The following BCAS3 variants were observed in gnomAD, a reference collection of about 807,000 sequenced individuals.
BCAS3 encodes the protein BCAS4/BCAS3 fusion.
In BCAS3, 53 loss-of-function variants were observed where a neutral mutation model predicts 116.1. The observed-to-expected ratio is 0.46, with a 90% confidence interval of 0.37 to 0.57. BCAS3 has a LOEUF of 0.57. Ranked by LOEUF, BCAS3 falls within the 20% of genes least tolerant of loss-of-function variation. BCAS3 has a pLI of 0.00. For missense variants in BCAS3, 917 were observed against 1,165.4 expected, an observed-to-expected ratio of 0.79 and a Z score of 3.10; for synonymous variants, 391 against 408.2, an observed-to-expected ratio of 0.96 and a Z score of 0.51.
At chr17:61,168,242 C>G (rs1320884053) in intron 22 of BCAS3, among the ~76,000 whole-genome samples, 1 of 152,078 alleles carries the variant, frequency 6.6e-6, no homozygotes, top group African/African-American at 2.4e-5. Context: ...CTGTTAACTC[C>G]CACACTCTGG....
At position 61,332,862 on chromosome 17, in the gene BCAS3, C is replaced by T. The variant is rs1024454965; in HGVS notation, c.2426-35465C>T. On this transcript the variant is annotated intron_variant, in intron 22 of 23. Coordinates refer to ENST00000407086, the MANE Select transcript of BCAS3 (RefSeq NM_017679.5). This position sits in a 1 kb window ranked among gnomAD's most constrained non-coding sequence, Gnocchi z 5.4. ...AACTCCTGACCTCAGGTGATCTGCC[C>T]GCCTTGGCCTCCCAAAGTGCTGGGA... 1.3e-5 allele frequency among the ~76,000 whole-genome samples: 2 copies of T among 152,156 alleles called. No individual in the cohort carries two copies. The highest frequency in any genetic ancestry group is 1.3e-4 in the Admixed American group (2 of 15,276).
In BCAS3 at chr17:61,355,648, A is replaced by G; in HGVS notation, c.2426-12679A>G. Among the ~76,000 whole-genome samples, 1 of 152,110 alleles carries G rather than the reference A, an allele frequency of 6.6e-6. No homozygotes were observed. The highest frequency in any genetic ancestry group is 1.9e-4 in the East Asian group (1 of 5,196). ...TGTACAAATTGGAACAATAACATCC[A>G]CCTCATAAGTTATTGGGATGATTTC... On this transcript the variant is annotated intron_variant, in intron 22 of 23. Transcript: ENST00000407086. The surrounding 1 kb of genome is among the most constrained non-coding windows in gnomAD (Gnocchi z 4.2).
rs1193175171 is a variant in BCAS3 at position 61,065,128 on chromosome 17, A to G, written c.2030-9792A>G. ...TCACACTTTAATTTTTGCCACTTTG[A>G]TATGTATGCAATGATAACTTGAATC... On this transcript the variant is annotated intron_variant, in intron 19 of 23. Transcript: ENST00000407086. The surrounding 1 kb of genome is among the most constrained non-coding windows in gnomAD (Gnocchi z 4.8). 6.6e-6 allele frequency among the ~76,000 whole-genome samples: 1 copy of G among 152,014 alleles called. No homozygotes were observed. The highest frequency in any genetic ancestry group is 1.5e-5 in the Non-Finnish European group (1 of 67,990).
chr17:60,820,626 T>G (rs773954645), intron 7 of BCAS3, among the ~76,000 whole-genome samples: 2 of 152,184 alleles, frequency 1.3e-5, no homozygotes, highest in Non-Finnish European at 2.9e-5. Flanking sequence ...AATTAGAACA[T>G]TTAAAAGTTG....
intron 5 of BCAS3, chr17:60,727,048 T>TA (rs915405726): frequency 2.5e-4 from 62 of 250,184 alleles, no homozygotes; most frequent in Non-Finnish European, 3.2e-4. Context: ...AAACAGACTT[T>TA]AAAAAAAAAT....
intron 8 of BCAS3, among the ~76,000 whole-genome samples, chr17:60,870,208 G>A (rs974399951): frequency 6.6e-6 from 1 of 152,170 alleles, no homozygotes; most frequent in Non-Finnish European, 1.5e-5. Flanking sequence ...ATTCATAACT[G>A]CACAAGAGTG....
At chr17:60,793,137 G>A (rs895095781) in intron 6 of BCAS3, among the ~76,000 whole-genome samples, 5 of 151,542 alleles carry the variant, frequency 3.3e-5, no homozygotes, top group Non-Finnish European at 5.9e-5. Context: ...TCACTCTGTC[G>A]CCCAGGCTGG....
rs572735096 is a variant in BCAS3 at position 60,960,825 on chromosome 17, T to A, written c.1221+13473T>A. Among the ~76,000 whole-genome samples the A allele has an allele frequency of 1.3e-5, 2 of 151,974 alleles. No homozygotes were observed. Among genetic ancestry groups the A allele is most frequent in the Admixed American group, 1.3e-4 (2 of 15,244 alleles). On this transcript the variant is annotated intron_variant, in intron 14 of 23. Coordinates refer to ENST00000407086, the MANE Select transcript of BCAS3 (RefSeq NM_017679.5). This position sits in a 1 kb window ranked among gnomAD's most constrained non-coding sequence, Gnocchi z 4.1. ...TGCCTTTGTGCCTTTCAGTCCAAGATGGCGGTGTTTCTGCAGATACTACAT... is the reference window on the plus strand; with the variant it reads ...TGCCTTTGTGCCTTTCAGTCCAAGAAGGCGGTGTTTCTGCAGATACTACAT...
At chr17:61,075,830 C>G (rs2071926220) in intron 20 of BCAS3, among the ~76,000 whole-genome samples, 2 of 152,178 alleles carry the variant, frequency 1.3e-5, no homozygotes. Flanking sequence ...CTTTCCTAAG[C>G]CCATGTAATG....
rs927657028 is a variant in BCAS3, at chr17:60,956,366, A to G, written c.1221+9014A>G. On this transcript the variant is annotated intron_variant, in intron 14 of 23. Coordinates refer to ENST00000407086, the MANE Select transcript of BCAS3 (RefSeq NM_017679.5). The surrounding 1 kb of genome is among the most constrained non-coding windows in gnomAD (Gnocchi z 4.2). ...AAGTTTTAAATTTGATGAGCATTTT[A>G]TCTAGAGTTAATATTTCACTGTGCT... Among the ~76,000 whole-genome samples the G allele has an allele frequency of 1.3e-5, 2 of 152,144 alleles. No individual in the cohort carries two copies. The highest frequency in any genetic ancestry group is 2.9e-5 in the Non-Finnish European group (2 of 68,014).
intron 7 of BCAS3, among the ~76,000 whole-genome samples, chr17:60,845,318 C>T (rs1599109111): frequency 1.3e-5 from 2 of 152,168 alleles, no homozygotes; most frequent in East Asian, 3.8e-4. Flanking sequence ...AAAGTTTGAA[C>T]TTCATGGCAG....
chr17:60,678,227 T>C (rs2032314548), intron 1 of BCAS3, among the ~76,000 whole-genome samples: 1 of 151,828 alleles, frequency 6.6e-6, no homozygotes, highest in South Asian at 2.1e-4. Flanking sequence ...AAAGCAAGAA[T>C]GGGATGAGAA....
In BCAS3 at chr17:61,235,127, TC is replaced by T. The variant is rs1178726479; in HGVS notation, c.2426-133198del. On this transcript the variant is annotated intron_variant, in intron 22 of 23. Transcript: ENST00000407086. This position sits in a 1 kb window ranked among gnomAD's most constrained non-coding sequence, Gnocchi z 5.0. Reference sequence around the variant, plus strand: ...GTCTCAAACTCCTGACCTAAGATGATCCGCCCACTTCGGTCTTCCAAAGTGC... The same window carrying T: ...GTCTCAAACTCCTGACCTAAGATGATCGCCCACTTCGGTCTTCCAAAGTGC... Among the ~76,000 whole-genome samples, 1 of 152,174 alleles carries T rather than the reference TC, an allele frequency of 6.6e-6. No homozygotes were observed. Among genetic ancestry groups the T allele is most frequent in the African/African-American group, 2.4e-5 (1 of 41,448 alleles).
chr17:61,297,593 T>TA (rs2053043337), intron 22 of BCAS3, among the ~76,000 whole-genome samples: 1 of 152,084 alleles, frequency 6.6e-6, no homozygotes, highest in Non-Finnish European at 1.5e-5. Context: ...CCTGTGGAAA[T>TA]AAGCAAAGGG....
chr17:60,937,380 C>A (rs1205001773), intron 13 of BCAS3, among the ~76,000 whole-genome samples: 1 of 151,922 alleles, frequency 6.6e-6, no homozygotes, highest in Non-Finnish European at 1.5e-5. Flanking sequence ...TTTCTCCATT[C>A]ACTCCATATA....
At position 61,244,839 on chromosome 17, in the gene BCAS3, A is replaced by G. The variant is rs1281722288; in HGVS notation, c.2426-123488A>G. The stretch of plus-strand genomic sequence containing the variant: ...GATCGCGCCACTGTACCCCAGCCTG[A>G]GCAACAGAGTGAGACTCCGTCTCAA... On this transcript the variant is annotated intron_variant, in intron 22 of 23. Coordinates refer to ENST00000407086, the MANE Select transcript of BCAS3 (RefSeq NM_017679.5). The surrounding 1 kb of genome is among the most constrained non-coding windows in gnomAD (Gnocchi z 4.9). Among the ~76,000 whole-genome samples, 24 of 152,276 alleles carry G rather than the reference A, an allele frequency of 1.6e-4. No homozygotes were observed. In the East Asian group the frequency reaches 4.1e-3, roughly 26 times the overall value.
intron 9 of BCAS3, among the ~76,000 whole-genome samples, chr17:60,881,005 C>T (rs1265960854): frequency 3.3e-5 from 5 of 151,936 alleles, no homozygotes; most frequent in East Asian, 1.9e-4. Context: ...GACGGAGTCT[C>T]GCTCTGTCAC....
At chr17:60,699,843 A>G (rs2036141420) in intron 4 of BCAS3, among the ~76,000 whole-genome samples, 1 of 148,552 alleles carries the variant, frequency 6.7e-6, no homozygotes, top group Non-Finnish European at 1.5e-5. Flanking sequence ...AGCCTGGGCG[A>G]CAGAGCAAGA....
At chr17:60,845,127 C>A (rs2052390314) in intron 7 of BCAS3, among the ~76,000 whole-genome samples, 1 of 152,058 alleles carries the variant, frequency 6.6e-6, no homozygotes, top group South Asian at 2.1e-4. Flanking sequence ...CTCTCAGGAG[C>A]CTGAGGCAGG....
Sources: gnomAD v4.1 joint callset for allele counts (sites outside exome capture counted in the v4.1 genomes callset) on GRCh38, gnomAD v4.1.1 for gene constraint, Gnocchi (gnomAD v3.1) non-coding constraint, MANE v1.5 for transcripts, NCBI Gene and HGNC (gene_info 2026-07-23, HGNC 2026-07-21) for gene names.